Variants in RGS7 observed in about 807,000 individuals in gnomAD.
The protein encoded by RGS7 is regulator of G protein signaling 7, also known as regulator of G-protein signaling 7.
RGS7 carries 27 observed loss-of-function variants against 81.1 expected under a neutral mutation model. The ratio of observed to expected loss-of-function variants is 0.33; its 90% CI spans 0.25 to 0.46. The LOEUF (loss-of-function observed/expected upper bound fraction) is 0.46. RGS7 is among the 20% of genes least tolerant of loss of function. The pLI, the probability that RGS7 is intolerant of heterozygous loss-of-function variation, is 1.00. For synonymous variants in RGS7, 208 were observed against 207.7 expected (o/e 1.00, Z -0.01); for missense variants, 396 against 607.4 (o/e 0.65, Z 3.66).
At chr1:240,934,150 G>A (rs1676187149) in intron 5 of RGS7, among the ~76,000 whole-genome samples, 1 of 152,092 alleles carries the variant, frequency 6.6e-6, no homozygotes, top group Non-Finnish European at 1.5e-5. Flanking sequence ...TTTTAGTAGA[G>A]ATGACGTTTC....
intron 9 of RGS7, among the ~76,000 whole-genome samples, chr1:240,840,721 C>T (rs1368796457): frequency 6.6e-6 from 1 of 152,172 alleles, no homozygotes; most frequent in East Asian, 1.9e-4. Flanking sequence ...TTGCACATTA[C>T]ACTTGTTTGT....
intron 2 of RGS7, among the ~76,000 whole-genome samples, chr1:241,111,607 CT>C (rs1402130084): frequency 6.7e-6 from 1 of 149,352 alleles, no homozygotes; most frequent in Admixed American, 6.7e-5. Context: ...AAGACCCCCC[CT>C]CTCTACAAGT....
chr1:241,155,577 G>GAAAAAAAAAAAAAAA (rs58091813), intron 2 of RGS7, among the ~76,000 whole-genome samples: 2 of 116,574 alleles, frequency 1.7e-5, no homozygotes, highest in Non-Finnish European at 3.7e-5. Flanking sequence ...TTGAAAAAAA[G>GAAAAAAAAAAAAAAA]AAAAAAAAAA....
chr1:241,354,996 G>T (rs2083467296), intron 2 of RGS7, among the ~76,000 whole-genome samples: 1 of 152,158 alleles, frequency 6.6e-6, no homozygotes, highest in South Asian at 2.1e-4. Flanking sequence ...TATTATGGTT[G>T]CTCAGTGTCT....
chr1:240,985,653 C>T (rs1417048405), intron 3 of RGS7, among the ~76,000 whole-genome samples: 1 of 151,940 alleles, frequency 6.6e-6, no homozygotes, highest in Admixed American at 6.6e-5. Flanking sequence ...ATTGTGTGAT[C>T]GCCCCAGCAT....
At chr1:240,786,478 A>C (rs1222253561) in intron 18 of RGS7, among the ~76,000 whole-genome samples, 1 of 152,204 alleles carries the variant, frequency 6.6e-6, no homozygotes, top group Admixed American at 6.5e-5. Flanking sequence ...TTTAGAAAAA[A>C]ATTAAGTACA....
intron 4 of RGS7, among the ~76,000 whole-genome samples, chr1:240,942,982 A>G (rs1677857228): frequency 6.6e-6 from 1 of 152,210 alleles, no homozygotes; most frequent in South Asian, 2.1e-4. Flanking sequence ...TTAGTAAAAG[A>G]AGTACCTCAG....
chr1:241,306,615 TAC>T (rs1297340606), intron 2 of RGS7, among the ~76,000 whole-genome samples: 1 of 151,016 alleles, frequency 6.6e-6, no homozygotes, highest in Non-Finnish European at 1.5e-5. Context: ...CAGGCATATA[TAC>T]GCACATGTCC....
intron 6 of RGS7, among the ~76,000 whole-genome samples, chr1:240,910,878 C>T (rs568199555): frequency 1.1e-3 from 174 of 152,150 alleles, no homozygotes; most frequent in African/African-American, 4.0e-3. Context: ...GCCACAACGC[C>T]CAACTAATTT....
chr1:241,012,565 T>C (rs1204922188), intron 3 of RGS7, among the ~76,000 whole-genome samples: 1 of 152,194 alleles, frequency 6.6e-6, no homozygotes, highest in Non-Finnish European at 1.5e-5. Context: ...ATAGGGCTCA[T>C]GAGGACATTC....
chr1:241,323,312 A>G (rs771899257), intron 2 of RGS7, among the ~76,000 whole-genome samples: 32 of 152,226 alleles, frequency 2.1e-4, no homozygotes, highest in Non-Finnish European at 3.7e-4. Flanking sequence ...TTTCATTTAA[A>G]TTGTGATGTA....
At chr1:241,106,716 CAA>C (rs757488665) in intron 2 of RGS7, among the ~76,000 whole-genome samples, 3 of 34,050 alleles carry the variant, frequency 8.8e-5, no homozygotes, top group Non-Finnish European at 1.4e-4. Context: ...ACTCCGTCTC[CAA>C]AAAAAAAAAA....
intron 2 of RGS7, among the ~76,000 whole-genome samples, chr1:241,306,270 T>C (rs981603875): frequency 7.4e-5 from 11 of 147,756 alleles, no homozygotes; most frequent in African/African-American, 2.3e-4. Context: ...TCCACACACA[T>C]ACACACACAC....
At chr1:241,148,294 A>C (rs1035888756) in intron 2 of RGS7, among the ~76,000 whole-genome samples, 3 of 151,736 alleles carry the variant, frequency 2.0e-5, no homozygotes, top group Non-Finnish European at 2.9e-5. Flanking sequence ...CAAGTGATCC[A>C]CCCACCTCGG....
At chr1:241,204,832 C>T (rs1223471178) in intron 2 of RGS7, among the ~76,000 whole-genome samples, 1 of 151,894 alleles carries the variant, frequency 6.6e-6, no homozygotes, top group Admixed American at 6.6e-5. Context: ...TAAACAGTAT[C>T]GATAATAAAA....
chr1:241,156,069 T>TACACACGCACGC (rs1396907388), intron 2 of RGS7, among the ~76,000 whole-genome samples: 1 of 142,946 alleles, frequency 7.0e-6, no homozygotes, highest in African/African-American at 2.8e-5. Flanking sequence ...TTCCTAAATT[T>TACACACGCACGC]ACACACGCAC....
intron 2 of RGS7, among the ~76,000 whole-genome samples, chr1:241,197,041 A>G (rs1382223641): frequency 6.6e-6 from 1 of 151,570 alleles, no homozygotes; most frequent in East Asian, 1.9e-4. Context: ...TTAATTAGAA[A>G]ATAAATGTAA....
intron 3 of RGS7, among the ~76,000 whole-genome samples, chr1:241,075,196 C>T (rs1182838204): frequency 2.0e-5 from 3 of 152,148 alleles, no homozygotes; most frequent in Non-Finnish European, 2.9e-5. Context: ...GGGGAAAAGT[C>T]GAATATTAAA....
intron 6 of RGS7, among the ~76,000 whole-genome samples, chr1:240,917,539 A>G (rs1387621588): frequency 6.6e-6 from 1 of 152,198 alleles, no homozygotes; most frequent in Non-Finnish European, 1.5e-5. Context: ...GTACAGTGTT[A>G]CCTAAAAATG....
Sources: allele counts gnomAD v4.1 joint callset (sites outside exome capture counted in the v4.1 genomes callset), GRCh38; gene constraint gnomAD v4.1.1; transcripts MANE v1.5; gene names NCBI Gene and HGNC (gene_info 2026-07-23, HGNC 2026-07-21).